The following CACNA2D1 variants were observed in gnomAD, a reference collection of about 807,000 sequenced individuals.
CACNA2D1 encodes calcium voltage-gated channel auxiliary subunit alpha2delta 1, also known as voltage-dependent calcium channel subunit alpha-2/delta-1.
CACNA2D1 carries 53 observed loss-of-function variants against 171.5 expected under a neutral mutation model. The observed-to-expected ratio is 0.31, with a 90% CI of 0.25 to 0.39. The LOEUF is 0.39. Among genes scored for constraint, CACNA2D1 ranks in the 10% least tolerant of loss-of-function variants. The pLI, the probability that CACNA2D1 is intolerant of heterozygous loss-of-function variation, is 1.00. For missense variants in CACNA2D1, 903 were observed against 1,299.8 expected (o/e 0.69, Z 4.69); for synonymous variants, 442 against 443.1 (o/e 1.00, Z 0.03).
intron 7 of CACNA2D1, among the ~76,000 whole-genome samples, chr7:82,084,103 G>C (rs1191087117): frequency 6.6e-6 from 1 of 151,988 alleles, no homozygotes; most frequent in Non-Finnish European, 1.5e-5. Flanking sequence ...TTTTCAATAG[G>C]TTTTCAGGAT....
At chr7:81,967,501 G>T in intron 30 of CACNA2D1, 95 bp downstream of exon 30, 1 of 706,982 alleles carries the variant, frequency 1.4e-6, no homozygotes, top group African/African-American at 1.8e-5. Flanking sequence ...GTGGTATTGA[G>T]AATGTATTTG....
At chr7:82,261,353 C>G (rs1055406196) in intron 3 of CACNA2D1, among the ~76,000 whole-genome samples, 1 of 152,164 alleles carries the variant, frequency 6.6e-6, no homozygotes, top group Non-Finnish European at 1.5e-5. Flanking sequence ...CTAAGTAGCA[C>G]GTTCACATGA....
intron 1 of CACNA2D1, among the ~76,000 whole-genome samples, chr7:82,367,516 T>C (rs1263492343): frequency 6.6e-6 from 1 of 152,162 alleles, no homozygotes; most frequent in Non-Finnish European, 1.5e-5. Flanking sequence ...GTTCCTATTG[T>C]TTCTTCAGAC....
At chr7:82,202,060 G>A (rs1301331168) in intron 3 of CACNA2D1, among the ~76,000 whole-genome samples, 1 of 152,186 alleles carries the variant, frequency 6.6e-6, no homozygotes, top group African/African-American at 2.4e-5. Context: ...CAGCAAGTTT[G>A]GAGTGCGGGC....
chr7:82,370,068 T>C (rs1003662178), intron 1 of CACNA2D1, among the ~76,000 whole-genome samples: 5 of 152,014 alleles, frequency 3.3e-5, no homozygotes, highest in Admixed American at 1.3e-4. Flanking sequence ...TTATCTACCA[T>C]AGAGATATGT....
intron 18 of CACNA2D1, among the ~76,000 whole-genome samples, chr7:82,003,342 A>C (rs1380806862): frequency 1.3e-5 from 2 of 152,070 alleles, no homozygotes; most frequent in Non-Finnish European, 2.9e-5. Context: ...CTAATTTATA[A>C]TATGGAAGAA....
intron 2 of CACNA2D1, among the ~76,000 whole-genome samples, chr7:82,336,870 C>A (rs1447392291): frequency 6.6e-6 from 1 of 152,024 alleles, no homozygotes; most frequent in African/African-American, 2.4e-5. Flanking sequence ...CCATTAATAC[C>A]TTGTTCATTT....
At chr7:82,016,389 C>T (rs2130969570) in intron 12 of CACNA2D1, among the ~76,000 whole-genome samples, 1 of 152,180 alleles carries the variant, frequency 6.6e-6, no homozygotes, top group East Asian at 1.9e-4. Flanking sequence ...GGAAGCATGG[C>T]TTTGCCTAGA....
rs1792197092 is a variant in CACNA2D1 at position 81,948,250 on chromosome 7, A to ATATT, written c.*2138_*2141dup. ...GCAAAAATTGAACAATAACTTTTAAATATTTAACAAACAACATGATTAAAA... is the reference window on the plus strand; with the variant it reads ...GCAAAAATTGAACAATAACTTTTAAATATTTATTTAACAAACAACATGATTAAAA... On this transcript the variant is annotated 3_prime_UTR_variant, in exon 39 of 39. Transcript: ENST00000356860. The ATATT allele has an allele frequency of 1.3e-5, 2 of 151,946 alleles. No individual in the cohort carries two copies. The highest frequency in any genetic ancestry group is 4.1e-4 in the South Asian group (2 of 4,836). 9.4% of individuals were successfully genotyped at this position (151,946 alleles called of 1,614,324 possible).
intron 3 of CACNA2D1, among the ~76,000 whole-genome samples, chr7:82,270,348 G>T (rs982650577): frequency 6.6e-6 from 1 of 151,996 alleles, no homozygotes; most frequent in Admixed American, 6.6e-5. Context: ...CATATAACAC[G>T]TAGTCTTCTC....
At chr7:82,197,683 A>T (rs1798986110) in intron 3 of CACNA2D1, among the ~76,000 whole-genome samples, 1 of 152,200 alleles carries the variant, frequency 6.6e-6, no homozygotes, top group Non-Finnish European at 1.5e-5. Flanking sequence ...CAGACAAGTT[A>T]CCAGTTTTCA....
At chr7:82,212,365 T>A (rs79660137) in intron 3 of CACNA2D1, among the ~76,000 whole-genome samples, 12,918 of 152,330 alleles carry the variant, frequency 0.085, 736 homozygotes, top group Non-Finnish European at 0.11. Flanking sequence ...ATTCATTGTT[T>A]ATCTGAAATT....
chr7:82,069,311 C>G (rs775396384), intron 7 of CACNA2D1, among the ~76,000 whole-genome samples: 6 of 152,190 alleles, frequency 3.9e-5, no homozygotes, highest in South Asian at 4.1e-4. Flanking sequence ...TCCAAAATTC[C>G]TGTAAAAAGT....
chr7:82,388,280 A>G (rs779024285), intron 1 of CACNA2D1, among the ~76,000 whole-genome samples: 2 of 152,180 alleles, frequency 1.3e-5, no homozygotes, highest in Non-Finnish European at 2.9e-5. Flanking sequence ...AAAGGAGATC[A>G]TGGTTTATTT....
At position 81,962,631 on chromosome 7, in the gene CACNA2D1, CA is replaced by C. The variant is rs958909697; in HGVS notation, c.2781-137del. ...TGGAGTGTTTTTATTTAAGTATTTT[CA>C]AAATTATATAACACATTGTAACCTT... is the stretch of plus-strand genomic sequence containing the variant. On this transcript the variant is annotated intron_variant, in intron 34 of 38. Transcript: ENST00000356860. 61 of 634,176 alleles carry C rather than the reference CA, an allele frequency of 9.6e-5. No individual in the cohort carries two copies. The Middle Eastern group carries it at 1.3e-3, about 14-fold the overall frequency. 39.3% of individuals were successfully genotyped at this position (634,176 alleles called of 1,614,324 possible). A position where few individuals can be genotyped will look rare whatever the true frequency, so the allele number is the denominator to read the frequency against.
intron 35 of CACNA2D1, 120 bp from the exon 36 acceptor site, chr7:81,962,143 C>G (rs1351592435): frequency 1.1e-6 from 1 of 910,826 alleles, no homozygotes; most frequent in Admixed American, 2.3e-5. Context: ...CAGGACCCCT[C>G]GACTGGCTTG....
At chr7:82,141,639 A>G (rs1792407577) in intron 4 of CACNA2D1, among the ~76,000 whole-genome samples, 1 of 152,202 alleles carries the variant, frequency 6.6e-6, no homozygotes, top group African/African-American at 2.4e-5. Flanking sequence ...GCAAGTGTTC[A>G]CCCTACAACT....
intron 6 of CACNA2D1, among the ~76,000 whole-genome samples, chr7:82,089,465 G>C (rs765049254): frequency 2.0e-5 from 3 of 152,104 alleles, no homozygotes; most frequent in Non-Finnish European, 4.4e-5. Flanking sequence ...AGCAGTGAAT[G>C]CTTGGAAATC....
At chr7:82,209,006 T>C (rs1209496972) in intron 3 of CACNA2D1, among the ~76,000 whole-genome samples, 1 of 152,188 alleles carries the variant, frequency 6.6e-6, no homozygotes, top group Non-Finnish European at 1.5e-5. Flanking sequence ...AGCTTATATA[T>C]AAAAATGATT....
Sources: gnomAD v4.1 joint callset for allele counts (sites outside exome capture counted in the v4.1 genomes callset) on GRCh38, gnomAD v4.1.1 for gene constraint, MANE v1.5 for transcripts, NCBI Gene and HGNC (gene_info 2026-07-23, HGNC 2026-07-21) for gene names.